CLCN2: variants seen among roughly 807,000 people sequenced by gnomAD.
CLCN2 encodes the protein chloride voltage-gated channel 2.
A neutral mutation model predicts 108.3 loss-of-function variants in CLCN2; 72 were observed. The ratio of observed to expected loss-of-function variants is 0.66; its 90% CI spans 0.55 to 0.81. CLCN2 has a LOEUF of 0.81. CLCN2 is among the 30% of genes least tolerant of loss of function. The probability of loss-of-function intolerance (pLI) is 0.00; values close to 1 mark genes in which losing one functional copy is unlikely to be tolerated. For missense variants in CLCN2, 1,048 were observed against 1,205.2 expected, an observed-to-expected ratio of 0.87 and a Z score of 1.93; for synonymous variants, 471 against 467.1, an observed-to-expected ratio of 1.01 and a Z score of -0.11.
chr3:184,354,728 G>A, intron 13 of CLCN2, 70 bp from the exon 14 acceptor site: 2 of 1,386,890 alleles, frequency 1.4e-6, no homozygotes, highest in East Asian at 4.6e-5. Context: ...GGAAGAGAGA[G>A]GGTCAGAGGG....
chr3:184,361,475 G>A lies in CLCN2; in HGVS notation c.5C>T (p.Ala2Val), dbSNP rs1286053374. 1 of 1,611,800 alleles carries A rather than the reference G, an allele frequency of 6.2e-7. No individual in the cohort carries two copies. The highest frequency in any genetic ancestry group is 1.1e-5 in the South Asian group (1 of 91,070). Residue 2 changes from alanine to valine, a missense_variant, in exon 1 of 24, where the codon GCG becomes GTG. Coordinates refer to ENST00000265593, the MANE Select transcript of CLCN2 (RefSeq NM_004366.6). This position sits in a 1 kb window ranked among gnomAD's most constrained non-coding sequence, Gnocchi z 6.6. Reference protein sequence around the residue: MAAAAAEEGMEP... With the variant: MVAAAAEEGMEP... ...CATCCCTTCCTCCGCCGCCGCGGCC[G>A]CCATCTCCGCGCACTGCCCTCTCGC...
chr3:184,348,323 C>A (rs745675419), intron 22 of CLCN2: 5 of 152,014 alleles, frequency 3.3e-5, no homozygotes, highest in African/African-American at 9.7e-5. Context: ...ATATGCGAAA[C>A]CCTGTCTCCA....
intron 19 of CLCN2, 84 bp downstream of exon 19, chr3:184,352,653 A>G: frequency 6.8e-7 from 1 of 1,464,308 alleles, no homozygotes; most frequent in Non-Finnish European, 9.5e-7. Context: ...AGAGGCAGGC[A>G]CTGCAGGGTT....
intron 9 of CLCN2, 41 bp downstream of exon 9, chr3:184,357,141 C>A: frequency 6.2e-7 from 1 of 1,609,606 alleles, no homozygotes; most frequent in Non-Finnish European, 8.5e-7. Flanking sequence ...TTCTAGAAAC[C>A]CCCCTCCTCT....
In CLCN2 at chr3:184,361,168, G is replaced by A. The variant is rs752826672; in HGVS notation, c.63+249C>T. 5.3e-5 allele frequency among the ~76,000 whole-genome samples: 8 copies of A among 152,176 alleles called. No individual in the cohort carries two copies. The highest frequency in any genetic ancestry group is 9.7e-5 in the African/African-American group (4 of 41,438). ...GCAAAGAAAACGTGCATGTTGTGGG[G>A]TGAGGGGAAGGACACCTGAGACAAG... On this transcript the variant is annotated intron_variant, in intron 1 of 23. Transcript: ENST00000265593. The surrounding 1 kb of genome is among the most constrained non-coding windows in gnomAD (Gnocchi z 6.6).
chr3:184,353,587 C>T (rs1240245665), intron 16 of CLCN2, 75 bp downstream of exon 16: 1 of 1,595,348 alleles, frequency 6.3e-7, no homozygotes, highest in Non-Finnish European at 8.5e-7. Context: ...GAGACTGGTC[C>T]TGAGCTCCCT....
At chr3:184,356,934 A>G (rs567079641) in intron 10 of CLCN2, 59 bp downstream of exon 10, 13 of 1,194,078 alleles carry the variant, frequency 1.1e-5, no homozygotes, top group Middle Eastern at 2.7e-4. Context: ...CTGTCCCCTG[A>G]CCTACTGTGG....
At position 184,361,529 on chromosome 3, in the gene CLCN2, G is replaced by A; in HGVS notation, c.-50C>T. 1 of 1,594,808 alleles carries A rather than the reference G, an allele frequency of 6.3e-7. No homozygotes were observed. The highest frequency in any genetic ancestry group is 8.5e-7 in the Non-Finnish European group (1 of 1,173,112). ...CCTCGGCGGTTCCGGCTCTGTCCTG[G>A]ACTCGGCTCCCGGCCCGCAAAGTCC... On this transcript the variant is annotated 5_prime_UTR_variant, in exon 1 of 24. Transcript: ENST00000265593. This position sits in a 1 kb window ranked among gnomAD's most constrained non-coding sequence, Gnocchi z 6.6.
intron 22 of CLCN2, among the ~76,000 whole-genome samples, chr3:184,349,903 ACTTATTAG>A (rs1264211514): frequency 6.6e-6 from 1 of 152,166 alleles, no homozygotes; most frequent in Non-Finnish European, 1.5e-5. Context: ...TGAATGAATT[ACTTATTAG>A]CCGGCACAGC....
chr3:184,352,997 G>A (rs1728235448), intron 18 of CLCN2, 36 bp downstream of exon 18: 1 of 1,591,156 alleles, frequency 6.3e-7, no homozygotes, highest in Non-Finnish European at 8.6e-7. Context: ...CAGTAGCTTG[G>A]CTGAGGCTCT....
Position 184,353,091 on chromosome 3 carries a change from T to C in CLCN2, c.2085A>G (p.Leu695=). 2 of 1,614,098 alleles carry C rather than the reference T, an allele frequency of 1.2e-6. No individual in the cohort carries two copies. The highest frequency in any genetic ancestry group is 1.1e-5 in the South Asian group (1 of 91,074). Residue 695 remains leucine, a synonymous_variant, in exon 18 of 24, where the codon CTA becomes CTG. Coordinates refer to ENST00000265593, the MANE Select transcript of CLCN2 (RefSeq NM_004366.6). ...TGGGCCCCCTCTTGAGTGCAGGCTT[T>C]AGGGGCTTGTGGGTCTCCCCCCGGG... ...PAARGETHKP[L]KPALKRGPSV...
At chr3:184,356,631 C>T (rs191477106) in intron 10 of CLCN2, 28 of 234,372 alleles carry the variant, frequency 1.2e-4, no homozygotes, top group Admixed American at 8.5e-4. Context: ...AAGAGTGAAA[C>T]TCCGTCTCAA....
intron 1 of CLCN2, among the ~76,000 whole-genome samples, chr3:184,360,742 C>G (rs1324923131): frequency 1.3e-5 from 2 of 152,176 alleles, no homozygotes; most frequent in African/African-American, 4.8e-5. Context: ...AGCCCAGGAC[C>G]CCTGCTTCTA....
rs760319914 is a variant in CLCN2, at chr3:184,358,285, C to T, written c.378G>A (p.Leu126=). 1.2e-6 allele frequency: 2 copies of T among 1,614,084 alleles called. No homozygotes were observed. Among genetic ancestry groups the T allele is most frequent in the Non-Finnish European group, 8.5e-7 (1 of 1,180,028 alleles). Reference sequence around the variant, plus strand: ...GGTACTGGAGCAAGATGCTGGTGTTCAAGCCCCGGGACATCCACTGCTGGG... The same window carrying T: ...GGTACTGGAGCAAGATGCTGGTGTTTAAGCCCCGGGACATCCACTGCTGGG... ...LQAQQWMSRG[L]NTSILLQYLA... The change falls in exon 4 of 24, where the codon TTG becomes TTA. Residue 126 remains leucine (L), a synonymous_variant. Transcript: ENST00000265593.
chr3:184,347,327 C>A (rs908109899), intron 22 of CLCN2: 2 of 442,508 alleles, frequency 4.5e-6, no homozygotes, highest in East Asian at 4.8e-5. Context: ...AACAACTGTT[C>A]ACACGTGAAA....
chr3:184,346,415 T>G lies in CLCN2; in HGVS notation c.*191A>C. 2 of 668,716 alleles carry G rather than the reference T, an allele frequency of 3.0e-6. No individual in the cohort carries two copies. Among genetic ancestry groups the G allele is most frequent in the South Asian group, 1.7e-5 (1 of 58,498 alleles). 41.4% of individuals were successfully genotyped at this position (668,716 alleles called of 1,614,324 possible). A position where few individuals can be genotyped will look rare whatever the true frequency, so the allele number is the denominator to read the frequency against. Reference sequence around the variant, plus strand: ...TATCTTCCTGCCTCTGGAAGACTTGTTGCAGGTGGGTAGTGGGTCAGATTC... The same window carrying G: ...TATCTTCCTGCCTCTGGAAGACTTGGTGCAGGTGGGTAGTGGGTCAGATTC... On this transcript the variant is annotated 3_prime_UTR_variant, in exon 24 of 24. Coordinates refer to ENST00000265593, the MANE Select transcript of CLCN2 (RefSeq NM_004366.6). The surrounding 1 kb of genome is among the most constrained non-coding windows in gnomAD (Gnocchi z 6.0).
chr3:184,355,655 C>T lies in CLCN2; in HGVS notation c.1170+39G>A, dbSNP rs377399540. ...CTGTTGGCTTTGGAGGAATGCCTTC[C>T]AAGGGAAAGCACAAAACTCCTGTTC... On this transcript the variant is annotated intron_variant, in intron 11 of 23. Transcript: ENST00000265593. The surrounding 1 kb of genome is among the most constrained non-coding windows in gnomAD (Gnocchi z 6.3). The T allele has an allele frequency of 1.2e-6, 2 of 1,610,524 alleles. No homozygotes were observed. The highest frequency in any genetic ancestry group is 1.7e-6 in the Non-Finnish European group (2 of 1,176,930).
In CLCN2 at chr3:184,357,099, A is replaced by C; in HGVS notation, c.984-5T>G. ...CCACCGAAGCCACTAGCAATACTGG[A>C]AAGGGAAGAGGCACCTGAGTGAAAA... On this transcript the variant is annotated splice_region_variant and splice_polypyrimidine_tract_variant and intron_variant, in intron 9 of 23. Transcript: ENST00000265593. The C allele has an allele frequency of 6.2e-7, 1 of 1,613,024 alleles. No individual in the cohort carries two copies. The highest frequency in any genetic ancestry group is 8.5e-7 in the Non-Finnish European group (1 of 1,179,332).
rs1274834555 is a variant in CLCN2 at position 184,354,616 on chromosome 3, C to G, written c.1439G>C (p.Trp480Ser). 1.2e-6 allele frequency: 2 copies of G among 1,612,494 alleles called. No homozygotes were observed. The highest frequency in any genetic ancestry group is 1.7e-6 in the Non-Finnish European group (2 of 1,179,890). Residue 480 changes from tryptophan to serine, a missense_variant, in exon 14 of 24, where the codon TGG becomes TCG. Coordinates refer to ENST00000265593, the MANE Select transcript of CLCN2 (RefSeq NM_004366.6). ...GTCCGTATGAATTCCATCTGGGAAC[C>G]AGGCAGCCATGCTTTCACCCACCAG... ...GRLVGESMAA[W>S]FPDGIHTDSS...
Sources: gnomAD v4.1 joint callset for allele counts (sites outside exome capture counted in the v4.1 genomes callset) on GRCh38, gnomAD v4.1.1 for gene constraint, Gnocchi (gnomAD v3.1) non-coding constraint, MANE v1.5 for transcripts, NCBI Gene and HGNC (gene_info 2026-07-23, HGNC 2026-07-21) for gene names.